The following COL5A1 variants were observed in gnomAD, a reference collection of about 807,000 sequenced individuals.
COL5A1 encodes collagen alpha-1(V) chain.
A neutral mutation model predicts 263.7 loss-of-function variants in COL5A1; 16 were observed. That is an observed-to-expected ratio of 0.06 (90% CI 0.04 to 0.09). COL5A1 has a LOEUF of 0.09. Among genes scored for constraint, COL5A1 ranks in the 10% least tolerant of loss-of-function variants. COL5A1 has a pLI of 1.00. For missense variants in COL5A1, 2,036 were observed against 2,540.5 expected, an observed-to-expected ratio of 0.80 and a Z score of 4.27; for synonymous variants, 1,012 against 1,004.5, an observed-to-expected ratio of 1.01 and a Z score of -0.14.
intron 9 of COL5A1, among the ~76,000 whole-genome samples, chr9:134,737,414 C>T (rs1463384053): frequency 6.6e-6 from 1 of 152,188 alleles, no homozygotes; most frequent in Non-Finnish European, 1.5e-5. Flanking sequence ...GCAGGGAATG[C>T]TGAGTTCCTG....
At chr9:134,718,608 G>C (rs982195758) in intron 4 of COL5A1, among the ~76,000 whole-genome samples, 15 of 152,230 alleles carry the variant, frequency 9.9e-5, no homozygotes, top group African/African-American at 3.6e-4. Context: ...CCTGCTCCTA[G>C]GGCTGTGTGG....
rs537425143 is a variant in COL5A1, at chr9:134,758,554, A to C, written c.1935+258A>C. Among the ~76,000 whole-genome samples, 1 of 152,218 alleles carries C rather than the reference A, an allele frequency of 6.6e-6. No individual in the cohort carries two copies. Among genetic ancestry groups the C allele is most frequent in the Non-Finnish European group, 1.5e-5 (1 of 68,000 alleles). On this transcript the variant is annotated intron_variant, in intron 18 of 65. Coordinates refer to ENST00000371817, the MANE Select transcript of COL5A1 (RefSeq NM_000093.5). The surrounding 1 kb of genome is among the most constrained non-coding windows in gnomAD (Gnocchi z 4.1). ...ACAAGTGAGCCAGATGGGCCTACCC[A>C]CCTGAGGCGCGTGAAGGGGGCAGGG...
intron 1 of COL5A1, among the ~76,000 whole-genome samples, chr9:134,661,563 A>G (rs1202451154): frequency 6.6e-6 from 1 of 151,834 alleles, no homozygotes; most frequent in Non-Finnish European, 1.5e-5. Context: ...GACTTGGCCA[A>G]TAGGGAGCAG....
In COL5A1 at chr9:134,841,392, G is replaced by A. The variant is rs979586649; in HGVS notation, c.5371-765G>A. Among the ~76,000 whole-genome samples the A allele has an allele frequency of 7.2e-5, 11 of 152,146 alleles. No individual in the cohort carries two copies. Among genetic ancestry groups the A allele is most frequent in the African/African-American group, 1.7e-4 (7 of 41,438 alleles). On this transcript the variant is annotated intron_variant, in intron 65 of 65. Coordinates refer to ENST00000371817, the MANE Select transcript of COL5A1 (RefSeq NM_000093.5). This position sits in a 1 kb window ranked among gnomAD's most constrained non-coding sequence, Gnocchi z 4.8. Reference sequence around the variant, plus strand: ...AGGGACCAAAGAATCTCACACCTGCGCTGCCTGTGTTCTGGGAGGGAGGCG... The same window carrying A: ...AGGGACCAAAGAATCTCACACCTGCACTGCCTGTGTTCTGGGAGGGAGGCG...
chr9:134,800,749 CAAAAAAAAAAAAAAAAA>C, intron 37 of COL5A1, among the ~76,000 whole-genome samples: 1 of 81,618 alleles, frequency 1.2e-5, no homozygotes, highest in South Asian at 6.1e-4. Flanking sequence ...CTGTCTCAAA[CAAAAAAAAAAAAAAAAA>C]AAAAAAAGAA....
intron 4 of COL5A1, among the ~76,000 whole-genome samples, chr9:134,704,763 C>T (rs771573564): frequency 2.0e-5 from 3 of 151,036 alleles, no homozygotes; most frequent in Non-Finnish European, 2.9e-5. Context: ...GCAGGATCAG[C>T]GATGCCTTCA....
chr9:134,738,840 A>G, intron 11 of COL5A1, 32 bp downstream of exon 11: 1 of 1,593,510 alleles, frequency 6.3e-7, no homozygotes, highest in Non-Finnish European at 8.6e-7. Flanking sequence ...CTGAGATCAC[A>G]CAAGGTGTGG....
chr9:134,668,113 AGTCCTGT>A (rs1490325921), intron 1 of COL5A1, among the ~76,000 whole-genome samples: 1 of 152,194 alleles, frequency 6.6e-6, no homozygotes, highest in Admixed American at 6.5e-5. Context: ...CCTGCTCTCG[AGTCCTGT>A]GTCCTGCTGG....
intron 1 of COL5A1, among the ~76,000 whole-genome samples, chr9:134,648,289 T>C (rs1328768684): frequency 7.2e-6 from 1 of 138,678 alleles, no homozygotes; most frequent in Non-Finnish European, 1.5e-5. Context: ...AATAAACTCC[T>C]ATATATATAT....
At chr9:134,735,808 A>G (rs773870039) in intron 9 of COL5A1, among the ~76,000 whole-genome samples, 16 of 152,236 alleles carry the variant, frequency 1.1e-4, no homozygotes, top group Non-Finnish European at 1.8e-4. Flanking sequence ...CTCTCTGTGT[A>G]CAGCACACAC....
intron 59 of COL5A1, among the ~76,000 whole-genome samples, chr9:134,822,583 C>T (rs1839052015): frequency 6.6e-6 from 1 of 152,148 alleles, no homozygotes; most frequent in Admixed American, 6.5e-5. Flanking sequence ...GGCATCCCCA[C>T]AGCCGCTGGG....
rs11386016 is a variant in COL5A1, at chr9:134,752,419, CGGGG to C, written c.1663-161_1663-158del. Among the ~76,000 whole-genome samples the C allele has an allele frequency of 8.5e-5, 12 of 140,388 alleles. 1 individual carries two copies. In the South Asian group the frequency reaches 9.3e-4, roughly 11 times the overall value. The allele number at this position is 140,388 out of a possible 152,430, so 92.1% of individuals were successfully genotyped here. A position where few individuals can be genotyped will look rare whatever the true frequency, so the allele number is the denominator to read the frequency against. On this transcript the variant is annotated intron_variant, in intron 13 of 65. Transcript: ENST00000371817. Reference sequence around the variant, plus strand: ...TGGATGCTGAGAGCCCCATCGAAGTCGGGGGGGGGGGGCCCTTGGGGAGTCATCA... The same window carrying C: ...TGGATGCTGAGAGCCCCATCGAAGTCGGGGGGGGCCCTTGGGGAGTCATCA...
chr9:134,649,106 G>A (rs556976406), intron 1 of COL5A1, among the ~76,000 whole-genome samples: 1 of 152,026 alleles, frequency 6.6e-6, no homozygotes, highest in South Asian at 2.1e-4. Context: ...GTGTGGGGGG[G>A]GCTTTGCCAT....
At chr9:134,752,857 A>T (rs1835836445) in intron 14 of COL5A1, among the ~76,000 whole-genome samples, 1 of 152,004 alleles carries the variant, frequency 6.6e-6, no homozygotes, top group Non-Finnish European at 1.5e-5. Flanking sequence ...GGGATGGGTG[A>T]CTGTGCCTCG....
chr9:134,831,652 G>A lies in COL5A1; in HGVS notation c.5136+1608G>A, dbSNP rs376701026. ...AGTCTTGCGGGTAGTTACCGCCTGC[G>A]CTTGGCACTGCCCTCTCCCCGCAAT... On this transcript the variant is annotated intron_variant, in intron 64 of 65. Transcript: ENST00000371817. Among the ~76,000 whole-genome samples, 48 of 152,248 alleles carry A rather than the reference G, an allele frequency of 3.2e-4. 2 individuals carry two copies. In the South Asian group the frequency reaches 8.1e-3, roughly 26 times the overall value.
At chr9:134,651,506 A>T (rs1003858335) in intron 1 of COL5A1, among the ~76,000 whole-genome samples, 1 of 151,612 alleles carries the variant, frequency 6.6e-6, no homozygotes, top group Non-Finnish European at 1.5e-5. Flanking sequence ...GACCCTGTCT[A>T]AAAAAAAATG....
At chr9:134,738,433 G>T in intron 9 of COL5A1, 41 bp from the exon 10 acceptor site, 1 of 1,613,376 alleles carries the variant, frequency 6.2e-7, no homozygotes, top group Non-Finnish European at 8.5e-7. Context: ...TGTCGGGAGG[G>T]ATGGGCTGCG....
intron 30 of COL5A1, among the ~76,000 whole-genome samples, chr9:134,785,698 T>A (rs774877549): frequency 2.0e-5 from 3 of 152,244 alleles, no homozygotes; most frequent in Non-Finnish European, 4.4e-5. Context: ...ATGAACACGC[T>A]GAGTTGAGGC....
chr9:134,784,774 AGAGCCCGG>A (rs1032468870), intron 29 of COL5A1, among the ~76,000 whole-genome samples: 1 of 152,278 alleles, frequency 6.6e-6, no homozygotes, highest in Admixed American at 6.5e-5. Context: ...CAGCTTCCGC[AGAGCCCGG>A]GAGCCCGGGA....
Sources: allele counts gnomAD v4.1 joint callset (sites outside exome capture counted in the v4.1 genomes callset), GRCh38; gene constraint gnomAD v4.1.1; non-coding constraint Gnocchi (gnomAD v3.1); transcripts MANE v1.5; gene names NCBI Gene and HGNC (gene_info 2026-07-23, HGNC 2026-07-21).